Variants in PHF2 observed in about 807,000 individuals in gnomAD.
PHF2 encodes PHD finger protein 2.
A neutral mutation model predicts 120.5 loss-of-function variants in PHF2; 27 were observed. That is an observed-to-expected ratio of 0.22 (90% confidence interval 0.17 to 0.31). The LOEUF (loss-of-function observed/expected upper bound fraction) is 0.31. PHF2 is among the 10% of genes least tolerant of loss of function. The pLI is 1.00. For synonymous variants in PHF2, 568 were observed against 592.5 expected (o/e 0.96, Z 0.60); for missense variants, 1,024 against 1,434.8 (o/e 0.71, Z 4.63).
intron 1 of PHF2, among the ~76,000 whole-genome samples, chr9:93,585,474 C>T (rs764724590): frequency 1.3e-4 from 20 of 152,254 alleles, no homozygotes; most frequent in Non-Finnish European, 2.5e-4. Context: ...GTGGGCAGCA[C>T]GTGGCCTCAT....
chr9:93,602,403 CCGCCA>C (rs1564377212), intron 1 of PHF2, among the ~76,000 whole-genome samples: 2 of 151,800 alleles, frequency 1.3e-5, no homozygotes, highest in South Asian at 4.2e-4. Flanking sequence ...CAGGCACACA[CCGCCA>C]CGCCTGGCTA....
At chr9:93,608,458 A>G (rs1465874672) in intron 1 of PHF2, among the ~76,000 whole-genome samples, 3 of 151,800 alleles carry the variant, frequency 2.0e-5, no homozygotes, top group African/African-American at 7.3e-5. Flanking sequence ...CTGGCCTCAC[A>G]GAATGAGTAA....
At position 93,677,371 on chromosome 9, in the gene PHF2, C is replaced by T. The variant is rs79407619; in HGVS notation, c.3203-217C>T. Reference sequence around the variant, plus strand: ...CATGTCCATCCTACCTGCCAGGGCCCCTTGAGGACACGGCCTCTGAGGCGG... The same window carrying T: ...CATGTCCATCCTACCTGCCAGGGCCTCTTGAGGACACGGCCTCTGAGGCGG... On this transcript the variant is annotated intron_variant, in intron 21 of 21. Transcript: ENST00000359246. This position sits in a 1 kb window ranked among gnomAD's most constrained non-coding sequence, Gnocchi z 4.4. Among the ~76,000 whole-genome samples the T allele has an allele frequency of 2.6e-5, 4 of 151,898 alleles. No homozygotes were observed. In the East Asian group the frequency reaches 7.8e-4, roughly 30 times the overall value.
At chr9:93,579,439 C>G (rs183830101) in intron 1 of PHF2, among the ~76,000 whole-genome samples, 39 of 152,312 alleles carry the variant, frequency 2.6e-4, no homozygotes, top group African/African-American at 9.1e-4. Flanking sequence ...ACCAGTACCA[C>G]AATGAAGGAG....
intron 1 of PHF2, among the ~76,000 whole-genome samples, chr9:93,623,676 G>A (rs2131642229): frequency 6.6e-6 from 1 of 152,350 alleles, no homozygotes; most frequent in Non-Finnish European, 1.5e-5. Flanking sequence ...TTTGCACCCT[G>A]AGAGCAGAAA....
intron 1 of PHF2, among the ~76,000 whole-genome samples, chr9:93,591,813 A>G (rs1825230336): frequency 6.6e-6 from 1 of 152,200 alleles, no homozygotes. Flanking sequence ...GCATCTGTCA[A>G]GAGCCCAGTG....
chr9:93,667,337 C>G (rs1392636478), intron 17 of PHF2, 97 bp downstream of exon 17: 1 of 1,425,190 alleles, frequency 7.0e-7, no homozygotes, highest in Non-Finnish European at 9.5e-7. Flanking sequence ...GGCAGACGCA[C>G]AGCTGGAGCC....
intron 9 of PHF2, 89 bp from the exon 10 acceptor site, chr9:93,658,056 G>A (rs1252725114): frequency 2.4e-6 from 2 of 819,858 alleles, no homozygotes; most frequent in Non-Finnish European, 4.0e-6. Context: ...GGCTGGACCT[G>A]GCATCCCCCG....
At chr9:93,611,130 C>T (rs1007759186) in intron 1 of PHF2, among the ~76,000 whole-genome samples, 1 of 152,102 alleles carries the variant, frequency 6.6e-6, no homozygotes, top group Non-Finnish European at 1.5e-5. Context: ...GAAGAGTATT[C>T]TTGGCTGGGT....
intron 2 of PHF2, among the ~76,000 whole-genome samples, chr9:93,635,963 C>T (rs1460063784): frequency 6.6e-6 from 1 of 152,046 alleles, no homozygotes; most frequent in African/African-American, 2.4e-5. Context: ...GGGACCTGAC[C>T]TGCCCCTGTC....
intron 1 of PHF2, among the ~76,000 whole-genome samples, chr9:93,586,444 C>G (rs1251122884): frequency 6.6e-6 from 1 of 152,238 alleles, no homozygotes; most frequent in East Asian, 1.9e-4. Context: ...TGCAGCAGCT[C>G]CCTGGTGGGC....
intron 10 of PHF2, among the ~76,000 whole-genome samples, 159 bp downstream of exon 10, chr9:93,658,395 T>C (rs921126616): frequency 6.6e-6 from 1 of 152,082 alleles, no homozygotes; most frequent in Non-Finnish European, 1.5e-5. Flanking sequence ...GCCCGGGGTG[T>C]GCCTTTGCCC....
rs1410019002 is a variant in PHF2 at position 93,665,722 on chromosome 9, G to T, written c.1974G>T (p.Val658=). 6.2e-7 allele frequency: 1 copy of T among 1,614,044 alleles called. No individual in the cohort carries two copies. Among genetic ancestry groups the T allele is most frequent in the Non-Finnish European group, 8.5e-7 (1 of 1,180,042 alleles). ...KALRPPTSPG[V]FGALQNFKED... ...TCAGGCCCCCGACGAGCCCTGGTGT[G>T]TTCGGGGCCTTGCAGAACTTCAAGG... The change falls in exon 15 of 22, where the codon GTG becomes GTT. Residue 658 remains valine, a synonymous_variant. Coordinates refer to ENST00000359246, the MANE Select transcript of PHF2 (RefSeq NM_005392.4).
intron 1 of PHF2, among the ~76,000 whole-genome samples, chr9:93,615,440 A>G (rs565206926): frequency 6.6e-6 from 1 of 152,298 alleles, no homozygotes; most frequent in South Asian, 2.1e-4. Context: ...GCAGTAAACT[A>G]TCTTTACAGC....
chr9:93,628,189 C>T (rs1268558727), intron 1 of PHF2, among the ~76,000 whole-genome samples: 1 of 152,206 alleles, frequency 6.6e-6, no homozygotes, highest in Non-Finnish European at 1.5e-5. Flanking sequence ...CATCAATATT[C>T]ATTAGAGATA....
intron 7 of PHF2, among the ~76,000 whole-genome samples, chr9:93,655,270 G>A (rs1241490174): frequency 8.0e-6 from 1 of 124,368 alleles, no homozygotes; most frequent in Non-Finnish European, 1.6e-5. Flanking sequence ...TCGTTTTATA[G>A]GGTTGGTTTT....
At chr9:93,671,131 T>C (rs1353900155) in intron 17 of PHF2, 7 of 969,768 alleles carry the variant, frequency 7.2e-6, no homozygotes, top group Non-Finnish European at 8.5e-6. Context: ...TGGGGGTAGG[T>C]GTAGGTGCAG....
chr9:93,654,305 G>A lies in PHF2; in HGVS notation c.790-108G>A, dbSNP rs1268682240. ...CACCTGTGCCCTCAGTGTTGCAGGC[G>A]GGAGTCGTGGACCTGGGCAGGGTAC... On this transcript the variant is annotated intron_variant, in intron 6 of 21. Coordinates refer to ENST00000359246, the MANE Select transcript of PHF2 (RefSeq NM_005392.4). 1.5e-5 allele frequency: 14 copies of A among 946,758 alleles called. No individual in the cohort carries two copies. The Admixed American group carries it at 1.9e-4, about 13-fold the overall frequency. The allele number at this position is 946,758 out of a possible 1,614,324, so 58.6% of individuals were successfully genotyped here. A position where few individuals can be genotyped will look rare whatever the true frequency, so the allele number is the denominator to read the frequency against.
chr9:93,675,046 G>T (rs1216651710), intron 19 of PHF2, 24 bp downstream of exon 19: 1 of 1,568,632 alleles, frequency 6.4e-7, no homozygotes, highest in South Asian at 1.1e-5. Flanking sequence ...AGGGGTAGGG[G>T]GTCCACCTGA....
Sources: allele counts gnomAD v4.1 joint callset (sites outside exome capture counted in the v4.1 genomes callset), GRCh38; gene constraint gnomAD v4.1.1; non-coding constraint Gnocchi (gnomAD v3.1); transcripts MANE v1.5; gene names NCBI Gene and HGNC (gene_info 2026-07-23, HGNC 2026-07-21).